CDH10: variants seen among roughly 807,000 people sequenced by gnomAD.
CDH10 encodes cadherin 10, also known as cadherin-10.
A neutral mutation model predicts 73.1 loss-of-function variants in CDH10; 30 were observed. That is an observed-to-expected ratio of 0.41 (90% CI 0.31 to 0.56). The LOEUF (loss-of-function observed/expected upper bound fraction) is 0.56, where lower values mean the gene tolerates loss of function less well. Among genes scored for constraint, CDH10 ranks in the 20% least tolerant of loss-of-function variants. CDH10 has a pLI of 0.27. For synonymous variants in CDH10, 345 were observed against 348.2 expected (o/e 0.99, Z 0.10); for missense variants, 815 against 973.7 (o/e 0.84, Z 2.17).
At chr5:24,551,795 T>C (rs1744556273) in intron 2 of CDH10, among the ~76,000 whole-genome samples, 1 of 152,194 alleles carries the variant, frequency 6.6e-6, no homozygotes, top group Non-Finnish European at 1.5e-5. Flanking sequence ...CTGTTCCATT[T>C]ATCTATTGGC....
At chr5:24,572,348 A>C (rs578002702) in intron 2 of CDH10, among the ~76,000 whole-genome samples, 1 of 152,238 alleles carries the variant, frequency 6.6e-6, no homozygotes, top group East Asian at 1.9e-4. Flanking sequence ...CATTCGGCAG[A>C]TCTAGAAGGA....
chr5:24,535,055 T>C, intron 5 of CDH10, 57 bp downstream of exon 5: 1 of 1,406,834 alleles, frequency 7.1e-7, no homozygotes, highest in Non-Finnish European at 9.6e-7. Flanking sequence ...TTTCTTTGTC[T>C]GTCTTTTTTT....
At chr5:24,609,319 G>A (rs1746865323) in intron 1 of CDH10, among the ~76,000 whole-genome samples, 2 of 152,138 alleles carry the variant, frequency 1.3e-5, no homozygotes, top group Non-Finnish European at 2.9e-5. Flanking sequence ...TGGAACGATA[G>A]TTGGGGGGAG....
intron 5 of CDH10, among the ~76,000 whole-genome samples, chr5:24,525,470 T>C (rs1743498170): frequency 6.6e-6 from 1 of 152,128 alleles, no homozygotes; most frequent in Admixed American, 6.6e-5. Flanking sequence ...ATGTCATAAT[T>C]ATGCACGTTT....
At chr5:24,620,257 C>T (rs991972658) in intron 1 of CDH10, among the ~76,000 whole-genome samples, 2 of 152,062 alleles carry the variant, frequency 1.3e-5, no homozygotes, top group African/African-American at 4.8e-5. Context: ...GCTCAAAATG[C>T]AGTCATTATT....
intron 3 of CDH10, 30 bp downstream of exon 3, chr5:24,537,350 T>A (rs770230682): frequency 1.4e-6 from 2 of 1,463,436 alleles, no homozygotes; most frequent in East Asian, 2.3e-5. Context: ...ACTTTTTGAA[T>A]ACCATCATAA....
intron 3 of CDH10, 86 bp downstream of exon 3, chr5:24,537,293 TC>T (rs1743991207): frequency 1.2e-6 from 1 of 857,288 alleles, no homozygotes; most frequent in Non-Finnish European, 1.8e-6. Flanking sequence ...AAAGAGGATT[TC>T]AATTAATTGA....
chr5:24,637,137 G>A (rs992636050), intron 1 of CDH10, among the ~76,000 whole-genome samples: 2 of 151,908 alleles, frequency 1.3e-5, no homozygotes, highest in Non-Finnish European at 2.9e-5. Flanking sequence ...AACAAGTCAT[G>A]TGATTATTCA....
At chr5:24,592,314 T>C (rs1055962862) in intron 2 of CDH10, among the ~76,000 whole-genome samples, 8 of 151,882 alleles carry the variant, frequency 5.3e-5, no homozygotes, top group African/African-American at 1.9e-4. Flanking sequence ...GCAAGAATTG[T>C]CAAGGCAGTG....
At chr5:24,498,087 G>A (rs1287264768) in intron 9 of CDH10, among the ~76,000 whole-genome samples, 1 of 152,098 alleles carries the variant, frequency 6.6e-6, no homozygotes. Context: ...CACAGCAGGC[G>A]GTCTTAGGGG....
chr5:24,549,472 C>T (rs1340262796), intron 2 of CDH10, among the ~76,000 whole-genome samples: 1 of 150,284 alleles, frequency 6.7e-6, no homozygotes, highest in Non-Finnish European at 1.5e-5. Context: ...GAGAAAGACA[C>T]ATTAATGTCA....
chr5:24,599,432 G>A (rs909158030), intron 1 of CDH10, among the ~76,000 whole-genome samples: 12 of 152,084 alleles, frequency 7.9e-5, no homozygotes, highest in African/African-American at 2.4e-4. Flanking sequence ...AAGAGCCACA[G>A]CTTGGAGAAA....
chr5:24,639,223 A>G (rs982860120), intron 1 of CDH10, among the ~76,000 whole-genome samples: 1 of 151,718 alleles, frequency 6.6e-6, no homozygotes, highest in Non-Finnish European at 1.5e-5. Flanking sequence ...AATTATGAAA[A>G]TATTCCTTAA....
rs1745897063 is a variant in CDH10 at position 24,584,115 on chromosome 5, A to G, written c.231+9145T>C. Among the ~76,000 whole-genome samples the G allele has an allele frequency of 2.0e-5, 3 of 152,132 alleles. No individual in the cohort carries two copies. In the South Asian group the frequency reaches 6.2e-4, roughly 31 times the overall value. On this transcript the variant is annotated intron_variant, in intron 2 of 11. Transcript: ENST00000264463. ...TTATAAATGAAAGATAATTGGAACT[A>G]CCTCATGAGGTTGTTGAAATCCTAA...
intron 2 of CDH10, among the ~76,000 whole-genome samples, chr5:24,545,989 G>A (rs1003533238): frequency 1.3e-5 from 2 of 152,128 alleles, no homozygotes; most frequent in East Asian, 1.9e-4. Context: ...TTTTCAGAAG[G>A]TATAGGTTGA....
intron 2 of CDH10, among the ~76,000 whole-genome samples, chr5:24,553,033 A>G (rs1505875): frequency 0.66 from 100,374 of 152,006 alleles, 33,267 homozygotes; most frequent in East Asian, 0.77. Context: ...GGATTTTAAT[A>G]TGACAACAAA....
chr5:24,512,426 G>A (rs1299488501), intron 5 of CDH10, among the ~76,000 whole-genome samples: 1 of 152,104 alleles, frequency 6.6e-6, no homozygotes, highest in Admixed American at 6.5e-5. Context: ...TTTTTACTAT[G>A]CTATATTTAG....
At position 24,519,836 on chromosome 5, in the gene CDH10, T is replaced by C. The variant is rs536736373; in HGVS notation, c.815-8322A>G. Among the ~76,000 whole-genome samples the C allele has an allele frequency of 9.2e-5, 14 of 152,314 alleles. 1 individual carries two copies. In the South Asian group the frequency reaches 2.9e-3, roughly 32 times the overall value. The stretch of plus-strand genomic sequence containing the variant: ...ACAAAAACTAGGTGGCCAATAACTA[T>C]AGAAACATACTGTCTGAAAGTTCTG... On this transcript the variant is annotated intron_variant, in intron 5 of 11. Transcript: ENST00000264463.
intron 8 of CDH10, among the ~76,000 whole-genome samples, chr5:24,501,424 G>A (rs559238404): frequency 8.5e-4 from 130 of 152,296 alleles, no homozygotes; most frequent in African/African-American, 3.1e-3. Context: ...GGCAGATGCT[G>A]TCGCTTATGT....
Sources: gnomAD v4.1 joint callset for allele counts (sites outside exome capture counted in the v4.1 genomes callset) on GRCh38, gnomAD v4.1.1 for gene constraint, MANE v1.5 for transcripts, NCBI Gene and HGNC (gene_info 2026-07-23, HGNC 2026-07-21) for gene names.